Variants in ANKS1B observed in about 807,000 individuals in gnomAD.
ANKS1B encodes ankyrin repeat and sterile alpha motif domain-containing protein 1B.
In ANKS1B, 36 loss-of-function variants were observed where a neutral mutation model predicts 148.3. The ratio of observed to expected loss-of-function variants is 0.24; its 90% confidence interval spans 0.19 to 0.32. ANKS1B has a LOEUF of 0.32. Ranked by LOEUF, ANKS1B falls within the 10% of genes least tolerant of loss-of-function variation. The probability of loss-of-function intolerance (pLI) is 1.00; values close to 1 mark genes in which losing one functional copy is unlikely to be tolerated. For missense variants in ANKS1B, 1,157 were observed against 1,542.6 expected (o/e 0.75, Z 4.19); for synonymous variants, 542 against 560.8 (o/e 0.97, Z 0.47).
intron 17 of ANKS1B, among the ~76,000 whole-genome samples, chr12:98,990,247 T>C (rs991153454): frequency 6.6e-6 from 1 of 152,152 alleles, no homozygotes; most frequent in African/African-American, 2.4e-5. Flanking sequence ...TAAATTTATT[T>C]CTAAATATTT....
At chr12:98,967,496 A>G (rs1026412268) in intron 17 of ANKS1B, among the ~76,000 whole-genome samples, 3 of 151,792 alleles carry the variant, frequency 2.0e-5, no homozygotes, top group Non-Finnish European at 2.9e-5. Flanking sequence ...TGGAATATAC[A>G]TACTGGTGTT....
At chr12:99,601,435 A>T (rs527336453) in intron 9 of ANKS1B, among the ~76,000 whole-genome samples, 1 of 152,176 alleles carries the variant, frequency 6.6e-6, no homozygotes, top group East Asian at 1.9e-4. Flanking sequence ...CTTTAGATTA[A>T]TTTTCAAAGT....
intron 1 of ANKS1B, among the ~76,000 whole-genome samples, chr12:99,941,918 G>T (rs911856435): frequency 6.6e-6 from 1 of 152,224 alleles, no homozygotes. Flanking sequence ...CAGGGAGGAC[G>T]GTATGGACAG....
intron 8 of ANKS1B, among the ~76,000 whole-genome samples, chr12:99,739,343 G>GA (rs950903439): frequency 1.7e-5 from 2 of 118,034 alleles, no homozygotes; most frequent in Non-Finnish European, 3.6e-5. Flanking sequence ...GGTTTTTTTT[G>GA]GGGGGGGCGG....
At chr12:98,808,551 G>T (rs924079945) in intron 19 of ANKS1B, among the ~76,000 whole-genome samples, 2 of 152,118 alleles carry the variant, frequency 1.3e-5, no homozygotes, top group South Asian at 4.1e-4. Flanking sequence ...GGGAAATTCA[G>T]TTCTGTTCCT....
At chr12:99,259,043 G>A (rs1436388116) in intron 12 of ANKS1B, among the ~76,000 whole-genome samples, 5 of 152,174 alleles carry the variant, frequency 3.3e-5, no homozygotes, top group Admixed American at 2.6e-4. Flanking sequence ...GAATTAGATA[G>A]CTAGTGAACA....
At chr12:99,548,016 G>A (rs1371080425) in intron 9 of ANKS1B, among the ~76,000 whole-genome samples, 2 of 152,154 alleles carry the variant, frequency 1.3e-5, no homozygotes, top group African/African-American at 2.4e-5. Context: ...TTGATTGACA[G>A]TAATTATAAA....
intron 14 of ANKS1B, among the ~76,000 whole-genome samples, chr12:99,162,379 A>G (rs560217975): frequency 6.6e-6 from 1 of 152,282 alleles, no homozygotes; most frequent in East Asian, 1.9e-4. Context: ...ATGATATAAA[A>G]TAATAAAAAC....
intron 10 of ANKS1B, among the ~76,000 whole-genome samples, chr12:99,494,999 C>A (rs142092461): frequency 1.4e-3 from 207 of 152,106 alleles, no homozygotes; most frequent in Non-Finnish European, 2.3e-3. Flanking sequence ...AAATATGAGA[C>A]CATCTGCTGA....
rs181932417 is a variant in ANKS1B at position 98,843,785 on chromosome 12, A to G, written c.2779-11649T>C. On this transcript the variant is annotated intron_variant, in intron 17 of 26. Transcript: ENST00000683438. ...TGGCAGCAGCATGGGGAGACACTGAATCTTAACATAAGTAAGCTCCCTGAT... is the reference window on the plus strand; with the variant it reads ...TGGCAGCAGCATGGGGAGACACTGAGTCTTAACATAAGTAAGCTCCCTGAT... Among the ~76,000 whole-genome samples, 449 of 152,342 alleles carry G rather than the reference A, an allele frequency of 2.9e-3. 2 individuals carry two copies. Among genetic ancestry groups the G allele is most frequent in the African/African-American group, 0.01 (429 of 41,588 alleles).
At chr12:99,123,190 G>A (rs922675328) in intron 15 of ANKS1B, among the ~76,000 whole-genome samples, 1 of 152,050 alleles carries the variant, frequency 6.6e-6, no homozygotes, top group Non-Finnish European at 1.5e-5. Flanking sequence ...AATACATGTA[G>A]AGTGAGAACA....
intron 9 of ANKS1B, among the ~76,000 whole-genome samples, chr12:99,505,738 T>G (rs1271912455): frequency 1.3e-5 from 2 of 151,496 alleles, no homozygotes; most frequent in African/African-American, 4.8e-5. Flanking sequence ...TGGAGAAGAC[T>G]GTGAAATTCT....
intron 8 of ANKS1B, among the ~76,000 whole-genome samples, chr12:99,657,779 T>C (rs2098456933): frequency 6.6e-6 from 1 of 151,364 alleles, no homozygotes; most frequent in Admixed American, 6.6e-5. Context: ...AACCACCTCA[T>C]AGTTGGCCAA....
At chr12:99,155,747 G>T (rs566981403) in intron 14 of ANKS1B, among the ~76,000 whole-genome samples, 2 of 152,194 alleles carry the variant, frequency 1.3e-5, no homozygotes, top group Non-Finnish European at 2.9e-5. Context: ...AGAAAGGTTA[G>T]TCTAACCTTC....
chr12:99,479,827 A>G (rs2096382083), intron 10 of ANKS1B, among the ~76,000 whole-genome samples: 1 of 151,942 alleles, frequency 6.6e-6, no homozygotes, highest in Non-Finnish European at 1.5e-5. Flanking sequence ...ATTGCACAGT[A>G]TGGTGACTAT....
At chr12:99,320,500 T>G (rs2085045352) in intron 12 of ANKS1B, among the ~76,000 whole-genome samples, 1 of 152,218 alleles carries the variant, frequency 6.6e-6, no homozygotes, top group Admixed American at 6.5e-5. Context: ...CTGAAGCTTG[T>G]GCATGCATCA....
At chr12:99,109,985 CA>C (rs2059976943) in intron 15 of ANKS1B, among the ~76,000 whole-genome samples, 1 of 152,052 alleles carries the variant, frequency 6.6e-6, no homozygotes, top group Non-Finnish European at 1.5e-5. Flanking sequence ...GAACACCAGC[CA>C]AAACTCAAAG....
intron 9 of ANKS1B, 114 bp from the exon 10 acceptor site, chr12:99,504,755 C>A (rs1286308095): frequency 2.8e-6 from 2 of 719,062 alleles, no homozygotes; most frequent in Non-Finnish European, 4.3e-6. Context: ...TGATTGACAG[C>A]TGATGATTCA....
At chr12:99,788,442 C>A (rs2065236480) in intron 4 of ANKS1B, among the ~76,000 whole-genome samples, 1 of 152,156 alleles carries the variant, frequency 6.6e-6, no homozygotes. Flanking sequence ...CTAAAGAGCT[C>A]TTGGAGCCTA....
Sources: allele counts gnomAD v4.1 joint callset (sites outside exome capture counted in the v4.1 genomes callset), GRCh38; gene constraint gnomAD v4.1.1; transcripts MANE v1.5; gene names NCBI Gene and HGNC (gene_info 2026-07-23, HGNC 2026-07-21).